LRRK1: variants seen among roughly 807,000 people sequenced by gnomAD.
LRRK1 encodes the protein leucine-rich repeat serine/threonine-protein kinase 1.
A neutral mutation model predicts 209.1 loss-of-function variants in LRRK1; 113 were observed. The ratio of observed to expected loss-of-function variants is 0.54; its 90% CI spans 0.46 to 0.63. LRRK1 has a LOEUF of 0.63. Ranked by LOEUF, LRRK1 falls within the 30% of genes least tolerant of loss-of-function variation. The pLI, the probability that LRRK1 is intolerant of heterozygous loss-of-function variation, is 0.00. For synonymous variants in LRRK1, 1,144 were observed against 1,099.7 expected (o/e 1.04, Z -0.80); for missense variants, 2,284 against 2,632.2 (o/e 0.87, Z 2.89).
intron 19 of LRRK1, 46 bp from the exon 20 acceptor site, chr15:101,028,910 G>T (rs373749358): frequency 1.3e-6 from 2 of 1,596,680 alleles, no homozygotes; most frequent in Non-Finnish European, 1.7e-6. Flanking sequence ...AGTCCCTTTC[G>T]CTCCTTTGTC....
chr15:101,015,694 G>A (rs2033503870), intron 12 of LRRK1, among the ~76,000 whole-genome samples: 1 of 152,242 alleles, frequency 6.6e-6, no homozygotes, highest in Non-Finnish European at 1.5e-5. Context: ...CCCTAGGCAG[G>A]TTACATATGT....
chr15:101,022,410 G>T lies in LRRK1; in HGVS notation c.1880G>T (p.Arg627Leu), dbSNP rs753941048. 23 of 1,614,078 alleles carry T rather than the reference G, an allele frequency of 1.4e-5. No homozygotes were observed. The change falls in exon 15 of 34, where the codon CGT (arginine) becomes CTT (leucine). Residue 627 changes from arginine (R) to leucine (L), a missense_variant. By Grantham distance (102) the Arg-to-Leu change is moderately radical. This residue lies in a region of LRRK1 where 494 missense variants were observed against 522.1 expected (regional missense o/e 0.95). Coordinates refer to ENST00000388948, the MANE Select transcript of LRRK1 (RefSeq NM_024652.6). The surrounding 1 kb of genome is among the most constrained non-coding windows in gnomAD (Gnocchi z 4.0). ...CCCAAAGCAATGCTGTCTTACCTGC[G>T]TGCTCAGCTGCGGAAAGCGGAAAAG... Reference protein sequence around the residue: ...EGPKAMLSYLRAQLRKAEKCK... With the variant: ...EGPKAMLSYLLAQLRKAEKCK...
chr15:100,941,364 GTGCCTGTA>G (rs2042414625), intron 2 of LRRK1, among the ~76,000 whole-genome samples: 1 of 121,244 alleles, frequency 8.2e-6, no homozygotes, highest in African/African-American at 3.4e-5. Flanking sequence ...GTGTGTGTGT[GTGCCTGTA>G]TGTGTGTGTC....
At chr15:100,960,441 G>A (rs2141633913) in intron 2 of LRRK1, among the ~76,000 whole-genome samples, 1 of 152,218 alleles carries the variant, frequency 6.6e-6, no homozygotes, top group South Asian at 2.1e-4. Context: ...CTGTGTGTGT[G>A]TGTTTATCTT....
In LRRK1 at chr15:101,024,389, G is replaced by A. The variant is rs974912641; in HGVS notation, c.2068-414G>A. Among the ~76,000 whole-genome samples, 2 of 152,114 alleles carry A rather than the reference G, an allele frequency of 1.3e-5. No individual in the cohort carries two copies. Among genetic ancestry groups the A allele is most frequent in the Non-Finnish European group, 2.9e-5 (2 of 68,010 alleles). ...GAGTTTCCCAGCATCCTTGGTGGGC[G>A]CCACCCTCTGAGCCCCACAAGTTCA... On this transcript the variant is annotated intron_variant, in intron 15 of 33. Transcript: ENST00000388948. The surrounding 1 kb of genome is among the most constrained non-coding windows in gnomAD (Gnocchi z 4.6).
intron 2 of LRRK1, among the ~76,000 whole-genome samples, chr15:100,947,082 G>A (rs545133687): frequency 6.8e-4 from 103 of 151,982 alleles, no homozygotes; most frequent in Non-Finnish European, 1.1e-3. Flanking sequence ...CGATTCCTCT[G>A]CCTCAGCTGG....
intron 20 of LRRK1, among the ~76,000 whole-genome samples, chr15:101,044,953 C>T (rs1017736805): frequency 3.3e-5 from 5 of 152,210 alleles, no homozygotes; most frequent in Non-Finnish European, 7.3e-5. Context: ...AATGTCCTTT[C>T]ACTCAAGACC....
rs779007092 is a variant in LRRK1 at position 101,062,552 on chromosome 15, G to C, written c.4798-22G>C. ...GACACTTTCCAGCCTGGGTCTCACA[G>C]TGGACCTGTCTGCCTCTGCAGGACC... On this transcript the variant is annotated intron_variant, in intron 30 of 33. Transcript: ENST00000388948. 17 of 1,519,040 alleles carry C rather than the reference G, an allele frequency of 1.1e-5. No homozygotes were observed. In the East Asian group the frequency reaches 3.8e-4, roughly 34 times the overall value. The allele number at this position is 1,519,040 out of a possible 1,614,324, so 94.1% of individuals were successfully genotyped here. A position where few individuals can be genotyped will look rare whatever the true frequency, so the allele number is the denominator to read the frequency against.
At chr15:100,988,848 C>T (rs372069081) in intron 5 of LRRK1, 35 bp downstream of exon 5, 8 of 1,523,376 alleles carry the variant, frequency 5.3e-6, no homozygotes, top group Admixed American at 1.9e-5. Context: ...CAACCCTGAC[C>T]GTGCAAACCA....
chr15:100,992,273 T>C (rs754389875), intron 6 of LRRK1, among the ~76,000 whole-genome samples: 13 of 152,216 alleles, frequency 8.5e-5, no homozygotes, highest in Admixed American at 1.3e-4. Context: ...AAAGCAGATC[T>C]TTATTTTCTG....
At chr15:100,942,942 G>A (rs1010040870) in intron 2 of LRRK1, among the ~76,000 whole-genome samples, 34 of 152,188 alleles carry the variant, frequency 2.2e-4, no homozygotes, top group Non-Finnish European at 4.8e-4. Flanking sequence ...ATCCGCCAGT[G>A]CTTACTGATC....
intron 2 of LRRK1, among the ~76,000 whole-genome samples, chr15:100,941,476 G>GTGTGTGTCTGTGTGTGTCTATGTC (rs1567191306): frequency 9.5e-5 from 14 of 147,076 alleles, no homozygotes; most frequent in African/African-American, 3.3e-4. Flanking sequence ...GTGTGTGTGT[G>GTGTGTGTCTGTGTGTGTCTATGTC]TGTGTGTGTG....
intron 31 of LRRK1, 115 bp downstream of exon 31, chr15:101,062,805 C>CT: frequency 6.5e-6 from 5 of 774,358 alleles, no homozygotes; most frequent in Non-Finnish European, 1.2e-5. Context: ...ACCACCTGGC[C>CT]TAGGACGTAG....
At chr15:100,997,012 A>G (rs1242026803) in intron 6 of LRRK1, among the ~76,000 whole-genome samples, 3 of 151,716 alleles carry the variant, frequency 2.0e-5, no homozygotes, top group Non-Finnish European at 4.4e-5. Context: ...TGGATTCTAG[A>G]CAAGTTAGCG....
Position 101,024,420 on chromosome 15 carries a change from C to T in LRRK1, c.2068-383C>T, listed in dbSNP as rs2033928265. Among the ~76,000 whole-genome samples, 1 of 152,182 alleles carries T rather than the reference C, an allele frequency of 6.6e-6. No individual in the cohort carries two copies. The highest frequency in any genetic ancestry group is 6.5e-5 in the Admixed American group (1 of 15,292). On this transcript the variant is annotated intron_variant, in intron 15 of 33. Coordinates refer to ENST00000388948, the MANE Select transcript of LRRK1 (RefSeq NM_024652.6). This position sits in a 1 kb window ranked among gnomAD's most constrained non-coding sequence, Gnocchi z 4.6. ...CTCTGAGCCCCACAAGTTCAGAGGC[C>T]CATCTCCTCCTCTTGCCCTGGCACA...
In LRRK1 at chr15:100,960,392, T is replaced by C. The variant is rs375069867; in HGVS notation, c.98-13412T>C. Among the ~76,000 whole-genome samples, 25 of 152,164 alleles carry C rather than the reference T, an allele frequency of 1.6e-4. 2 individuals carry two copies. Among genetic ancestry groups the C allele is most frequent in the Admixed American group, 7.9e-4 (12 of 15,272 alleles). On this transcript the variant is annotated intron_variant, in intron 2 of 33. Coordinates refer to ENST00000388948, the MANE Select transcript of LRRK1 (RefSeq NM_024652.6). ...GGGTGTCCTAATCCTCCAGTATTTA[T>C]AATCACAATCATCTTCCCCAAAATC... is the stretch of plus-strand genomic sequence containing the variant.
intron 30 of LRRK1, among the ~76,000 whole-genome samples, chr15:101,061,520 G>A (rs565217370): frequency 1.3e-5 from 2 of 152,366 alleles, no homozygotes; most frequent in South Asian, 2.1e-4. Flanking sequence ...CGGGATTTGC[G>A]ATGGTGAGGA....
rs539342315 is a variant in LRRK1 at position 101,077,878 on chromosome 15, T to G, written c.*9030T>G. ...GCCCAAGCTAAGCCATCGCATCCCC[T>G]GTGACCTGCACGCATATATAAGCCC... On this transcript the variant is annotated 3_prime_UTR_variant, in exon 34 of 34. Coordinates refer to ENST00000388948, the MANE Select transcript of LRRK1 (RefSeq NM_024652.6). 1.3e-5 allele frequency: 2 copies of G among 152,418 alleles called. No homozygotes were observed. The highest frequency in any genetic ancestry group is 3.8e-4 in the East Asian group (2 of 5,196). 9.4% of individuals were successfully genotyped at this position (152,418 alleles called of 1,614,324 possible).
intron 9 of LRRK1, among the ~76,000 whole-genome samples, chr15:101,011,659 C>T (rs2033254334): frequency 6.6e-6 from 1 of 152,060 alleles, no homozygotes; most frequent in Non-Finnish European, 1.5e-5. Context: ...TCATCACTGG[C>T]ATTATCATTC....
Sources: allele counts gnomAD v4.1 joint callset (sites outside exome capture counted in the v4.1 genomes callset), GRCh38; gene constraint gnomAD v4.1.1; regional missense constraint gnomAD v4.1.1; non-coding constraint Gnocchi (gnomAD v3.1); transcripts MANE v1.5; gene names NCBI Gene and HGNC (gene_info 2026-07-23, HGNC 2026-07-21).